Variants in C1QTNF6 observed in about 807,000 individuals in gnomAD.
The protein encoded by C1QTNF6 is C1q and TNF related 6.
In C1QTNF6, 17 loss-of-function variants were observed where a neutral mutation model predicts 20.7. The ratio of observed to expected loss-of-function variants is 0.82; its 90% CI spans 0.56 to 1.23. The LOEUF (loss-of-function observed/expected upper bound fraction) is 1.23. C1QTNF6 is among the 50% of genes most tolerant of loss of function. The probability of loss-of-function intolerance (pLI) is 0.00; values close to 1 mark genes in which losing one functional copy is unlikely to be tolerated. For missense variants in C1QTNF6, 329 were observed against 389.7 expected (o/e 0.84, Z 1.31); for synonymous variants, 130 against 156.3 (o/e 0.83, Z 1.25).
At chr22:37,198,937 T>C (rs1351917828), upstream of C1QTNF6, among the ~76,000 whole-genome samples, 3 of 152,200 alleles carry the variant, frequency 2.0e-5, no homozygotes, top group Non-Finnish European at 4.4e-5. Flanking sequence ...CGTCCTGGGC[T>C]TTCAGGACGT....
chr22:37,184,920 C>T lies in C1QTNF6; in HGVS notation c.289+298G>A, dbSNP rs1924161639. 2.0e-5 allele frequency among the ~76,000 whole-genome samples: 3 copies of T among 152,174 alleles called. No homozygotes were observed. Among genetic ancestry groups the T allele is most frequent in the South Asian group, 2.1e-4 (1 of 4,822 alleles). On this transcript the variant is annotated intron_variant, in intron 2 of 2. Coordinates refer to ENST00000337843, the MANE Select transcript of C1QTNF6 (RefSeq NM_031910.4). This position sits in a 1 kb window ranked among gnomAD's most constrained non-coding sequence, Gnocchi z 4.0. ...GCCCAGACCCGCACTCCTGAAGCCC[C>T]TTTTCATTTCCCAGAGCACTGATCA...
At chr22:37,188,283 A>AGGAGGGAGGGAGGAGGGGAT, upstream of C1QTNF6, 1 of 1,153,062 alleles carries the variant, frequency 8.7e-7, no homozygotes, top group Non-Finnish European at 1.2e-6. Flanking sequence ...GGCCCAGCAG[A>AGGAGGGAGGGAGGAGGGGAT]GGAGGGAGAG....
Position 37,184,550 on chromosome 22 carries a change from G to A in C1QTNF6, c.289+668C>T, listed in dbSNP as rs55673322. On this transcript the variant is annotated intron_variant, in intron 2 of 2. Coordinates refer to ENST00000337843, the MANE Select transcript of C1QTNF6 (RefSeq NM_031910.4). The surrounding 1 kb of genome is among the most constrained non-coding windows in gnomAD (Gnocchi z 4.0). ...TCACCTGGACAGCCCTCACCTGGATGGCCCTCACCTGGACAGGCCCCACAG... is the reference window on the plus strand; with the variant it reads ...TCACCTGGACAGCCCTCACCTGGATAGCCCTCACCTGGACAGGCCCCACAG... The A allele has an allele frequency of 8.4e-4, 543 of 647,990 alleles. 1 individual carries two copies. Among genetic ancestry groups the A allele is most frequent in the Middle Eastern group, 2.8e-3 (7 of 2,512 alleles). 40.1% of individuals were successfully genotyped at this position (647,990 alleles called of 1,614,324 possible). A position where few individuals can be genotyped will look rare whatever the true frequency, so the allele number is the denominator to read the frequency against.
chr22:37,185,661 G>C (rs1272526005), intron 1 of C1QTNF6: 32 of 1,277,712 alleles, frequency 2.5e-5, no homozygotes, highest in Non-Finnish European at 3.1e-5. Context: ...AGACTGGCAG[G>C]GCAGGGCCTG....
At chr22:37,196,634 C>T (rs1457594410) in intron 1 of C1QTNF6, 1 of 152,222 alleles carries the variant, frequency 6.6e-6, no homozygotes, top group Non-Finnish European at 1.5e-5. Context: ...GCAAAGCCCC[C>T]TACAGAAGGG....
intron 2 of C1QTNF6, 50 bp downstream of exon 2, chr22:37,185,168 G>C: frequency 1.3e-6 from 2 of 1,504,976 alleles, no homozygotes; most frequent in Non-Finnish European, 1.8e-6. Flanking sequence ...CTCCACCTCA[G>C]CTCCCTGGCC....
intron 1 of C1QTNF6, 44 bp from the exon 2 acceptor site, chr22:37,185,499 TCTA>T: frequency 6.5e-7 from 1 of 1,534,336 alleles, no homozygotes; most frequent in Non-Finnish European, 8.8e-7. Flanking sequence ...TCACTCAACA[TCTA>T]CTATGTGCCG....
At position 37,185,199 on chromosome 22, in the gene C1QTNF6, C is replaced by T. The variant is rs1924187687; in HGVS notation, c.289+19G>A. 6.5e-7 allele frequency: 1 copy of T among 1,529,882 alleles called. No individual in the cohort carries two copies. The highest frequency in any genetic ancestry group is 1.3e-5 in the South Asian group (1 of 78,310). 94.8% of individuals were successfully genotyped at this position (1,529,882 alleles called of 1,614,324 possible). ...TGGCCCTCCCTGCCCACTACCAGGC[C>T]CCACAGGAGGGCACTCACCCTTCAG... On this transcript the variant is annotated intron_variant, in intron 2 of 2. Coordinates refer to ENST00000337843, the MANE Select transcript of C1QTNF6 (RefSeq NM_031910.4).
At chr22:37,193,298 T>A (rs895145459) in intron 2 of C1QTNF6, among the ~76,000 whole-genome samples, 1 of 152,234 alleles carries the variant, frequency 6.6e-6, no homozygotes, top group Non-Finnish European at 1.5e-5. Flanking sequence ...GAGTGGTCTA[T>A]CTGCTTTCAA....
intron 2 of C1QTNF6, among the ~76,000 whole-genome samples, chr22:37,194,070 C>T (rs569549137): frequency 1.0e-3 from 153 of 152,226 alleles, no homozygotes; most frequent in African/African-American, 3.4e-3. Flanking sequence ...AGCTTCCTGT[C>T]GTCTGGATGG....
upstream of C1QTNF6, chr22:37,191,660 A>C (rs1293306629): frequency 6.6e-6 from 1 of 152,184 alleles, no homozygotes; most frequent in Non-Finnish European, 1.5e-5. Flanking sequence ...AAGGGCAAAA[A>C]CCTTTACTCA....
chr22:37,189,153 G>GT (rs1313240284), upstream of C1QTNF6, among the ~76,000 whole-genome samples: 2 of 152,190 alleles, frequency 1.3e-5, no homozygotes, highest in East Asian at 3.8e-4. Flanking sequence ...CATTGCCATG[G>GT]TATTTGTAGG....
chr22:37,182,488 C>T lies in C1QTNF6; in HGVS notation c.537G>A (p.Ala179=), dbSNP rs530806448. 8 of 1,614,246 alleles carry T rather than the reference C, an allele frequency of 5.0e-6. No homozygotes were observed. The highest frequency in any genetic ancestry group is 2.2e-5 in the East Asian group (1 of 44,884). ...FVNLDGCFDM[A]TGQFAAPLRG... Reference sequence around the variant, plus strand: ...GCAGGGGAGCAGCAAACTGGCCGGTCGCCATGTCAAAGCACCCATCAAGGT... The same window carrying T: ...GCAGGGGAGCAGCAAACTGGCCGGTTGCCATGTCAAAGCACCCATCAAGGT... The change falls in exon 3 of 3, where the codon GCG becomes GCA. Residue 179 remains alanine, a synonymous_variant. Coordinates refer to ENST00000337843, the MANE Select transcript of C1QTNF6 (RefSeq NM_031910.4).
At position 37,184,514 on chromosome 22, in the gene C1QTNF6, C is replaced by T; in HGVS notation, c.289+704G>A. On this transcript the variant is annotated intron_variant, in intron 2 of 2. Transcript: ENST00000337843. The surrounding 1 kb of genome is among the most constrained non-coding windows in gnomAD (Gnocchi z 4.0). The stretch of plus-strand genomic sequence containing the variant: ...GCCTTTCACCTGGACGGGCCCTCAC[C>T]TGGACAGCCCTCACCTGGACAGCCC... 1 of 710,604 alleles carries T rather than the reference C, an allele frequency of 1.4e-6. No homozygotes were observed. Among genetic ancestry groups the T allele is most frequent in the Non-Finnish European group, 2.6e-6 (1 of 383,014 alleles). The allele number at this position is 710,604 out of a possible 1,614,324, so 44.0% of individuals were successfully genotyped here. A position where few individuals can be genotyped will look rare whatever the true frequency, so the allele number is the denominator to read the frequency against.
chr22:37,186,327 C>T (rs1924336362), intron 1 of C1QTNF6, among the ~76,000 whole-genome samples: 1 of 152,230 alleles, frequency 6.6e-6, no homozygotes, highest in African/African-American at 2.4e-5. Context: ...GCTAGTCCAC[C>T]TCCCTGCTCA....
At position 37,184,583 on chromosome 22, in the gene C1QTNF6, T is replaced by C; in HGVS notation, c.289+635A>G. The C allele has an allele frequency of 1.5e-6, 1 of 658,912 alleles. No homozygotes were observed. The highest frequency in any genetic ancestry group is 1.7e-5 in the South Asian group (1 of 60,324). The allele number at this position is 658,912 out of a possible 1,614,324, so 40.8% of individuals were successfully genotyped here. ...CCTGGACAGGCCCCACAGGGCTGCA[T>C]GCTCCGACCCTCGGCCCCCGCTGGT... On this transcript the variant is annotated intron_variant, in intron 2 of 2. Coordinates refer to ENST00000337843, the MANE Select transcript of C1QTNF6 (RefSeq NM_031910.4). This position sits in a 1 kb window ranked among gnomAD's most constrained non-coding sequence, Gnocchi z 4.0.
intron 1 of C1QTNF6, chr22:37,185,762 G>T: frequency 9.5e-7 from 1 of 1,054,882 alleles, no homozygotes; most frequent in Non-Finnish European, 1.1e-6. Context: ...AGCCACAGCT[G>T]AGAGCAGACA....
chr22:37,182,079 TC>T lies in C1QTNF6; in HGVS notation c.*108del. On this transcript the variant is annotated 3_prime_UTR_variant, in exon 3 of 3. Transcript: ENST00000337843. Reference sequence around the variant, plus strand: ...AGCAGGGTCTCCCCAGAATGCCAGGTCCCCGGGGACCTCCCTGGCCTTCCTG... The same window carrying T: ...AGCAGGGTCTCCCCAGAATGCCAGGTCCCGGGGACCTCCCTGGCCTTCCTG... 8.0e-7 allele frequency: 1 copy of T among 1,250,344 alleles called. No homozygotes were observed. The highest frequency in any genetic ancestry group is 1.1e-6 in the Non-Finnish European group (1 of 923,258). 77.5% of individuals were successfully genotyped at this position (1,250,344 alleles called of 1,614,324 possible). A position where few individuals can be genotyped will look rare whatever the true frequency, so the allele number is the denominator to read the frequency against.
chr22:37,188,283 A>AGGAGGGAGTGAGGAGGGGAT, upstream of C1QTNF6: 1 of 1,153,062 alleles, frequency 8.7e-7, no homozygotes, highest in Non-Finnish European at 1.2e-6. Flanking sequence ...GGCCCAGCAG[A>AGGAGGGAGTGAGGAGGGGAT]GGAGGGAGAG....
Sources: gnomAD v4.1 joint callset for allele counts (sites outside exome capture counted in the v4.1 genomes callset) on GRCh38, gnomAD v4.1.1 for gene constraint, Gnocchi (gnomAD v3.1) non-coding constraint, MANE v1.5 for transcripts, NCBI Gene and HGNC (gene_info 2026-07-23, HGNC 2026-07-21) for gene names.